Variants in FAM13B observed in about 807,000 individuals in gnomAD.
FAM13B encodes family with sequence similarity 13 member B.
A neutral mutation model predicts 117.3 loss-of-function variants in FAM13B; 60 were observed. The ratio of observed to expected loss-of-function variants is 0.51; its 90% CI spans 0.42 to 0.63. The LOEUF (loss-of-function observed/expected upper bound fraction) is 0.63. Among genes scored for constraint, FAM13B ranks in the 30% least tolerant of loss-of-function variants. FAM13B has a pLI of 0.00. For missense variants in FAM13B, 972 were observed against 1,091.9 expected (o/e 0.89, Z 1.55); for synonymous variants, 332 against 356.1 (o/e 0.93, Z 0.76).
chr5:138,052,113 C>A (rs141374197), upstream of FAM13B, among the ~76,000 whole-genome samples: 10 of 151,916 alleles, frequency 6.6e-5, no homozygotes, highest in East Asian at 1.9e-3. Context: ...GTATCGCAGT[C>A]AAGGCAGCAG....
intron 10 of FAM13B, among the ~76,000 whole-genome samples, chr5:137,966,488 T>TAGAGAGAGAGAGAGAGAGAGAGAGAG (rs57142324): frequency 3.4e-5 from 1 of 29,470 alleles, no homozygotes; most frequent in Non-Finnish European, 6.1e-5. Context: ...TATATATATA[T>TAGAGAGAGAGAGAGAGAGAGAGAGAG]AGAGAGAGAG....
intron 20 of FAM13B, 23 bp downstream of exon 20, chr5:137,945,879 G>T: frequency 6.4e-7 from 1 of 1,551,580 alleles, no homozygotes; most frequent in South Asian, 1.2e-5. Context: ...ATGAACCAGA[G>T]AATTATTGCT....
At chr5:138,047,654 G>A (rs1791682052) in intron 1 of FAM13B, among the ~76,000 whole-genome samples, 1 of 152,238 alleles carries the variant, frequency 6.6e-6, no homozygotes, top group Non-Finnish European at 1.5e-5. Flanking sequence ...TTATCTGGGT[G>A]GGCCCAATGT....
At position 137,938,341 on chromosome 5, in the gene FAM13B, A is replaced by G. The variant is rs1301545859; in HGVS notation, c.*1884T>C. On this transcript the variant is annotated 3_prime_UTR_variant, in exon 24 of 24. Transcript: ENST00000689681. ...AAGGAATATATTATTTAAAACATTT[A>G]AATAGTGCATATGGACATTTTTGCA... 1 of 152,670 alleles carries G rather than the reference A, an allele frequency of 6.6e-6. No individual in the cohort carries two copies. Among genetic ancestry groups the G allele is most frequent in the Non-Finnish European group, 1.5e-5 (1 of 68,040 alleles). 9.5% of individuals were successfully genotyped at this position (152,670 alleles called of 1,614,324 possible). A position where few individuals can be genotyped will look rare whatever the true frequency, so the allele number is the denominator to read the frequency against.
chr5:137,946,294 A>G lies in FAM13B; in HGVS notation c.2178T>C (p.His726=). The change falls in exon 19 of 24, where the codon CAT becomes CAC. Residue 726 remains histidine, a synonymous_variant. Coordinates refer to ENST00000689681, the MANE Select transcript of FAM13B (RefSeq NM_001385994.1). ...GAAGAGAAGCTTTCTCTTCTACCAA[A>G]TGATCTTTGGTCATTTTCTGGAATT... ...PEDIKKMTKD[H]LVEEKASLQK... The G allele has an allele frequency of 6.4e-7, 1 of 1,572,528 alleles. No individual in the cohort carries two copies. The highest frequency in any genetic ancestry group is 8.6e-7 in the Non-Finnish European group (1 of 1,165,152).
chr5:137,968,562 T>G (rs919253114), intron 10 of FAM13B, among the ~76,000 whole-genome samples: 28 of 152,106 alleles, frequency 1.8e-4, no homozygotes, highest in Non-Finnish European at 4.4e-5. Context: ...GCTGTTTATG[T>G]GATCAGCTTT....
chr5:137,988,251 T>C, intron 8 of FAM13B, 23 bp downstream of exon 8: 1 of 1,512,764 alleles, frequency 6.6e-7, no homozygotes, highest in Non-Finnish European at 8.8e-7. Flanking sequence ...TAAAAATTTG[T>C]CTTCTATAAA....
upstream of FAM13B, among the ~76,000 whole-genome samples, chr5:138,037,776 G>A (rs550956883): frequency 5.9e-5 from 9 of 152,184 alleles, no homozygotes; most frequent in South Asian, 2.1e-4. Context: ...TTCTTAATAC[G>A]ATGTTAATAA....
At chr5:138,002,621 A>G (rs1781538279) in intron 7 of FAM13B, among the ~76,000 whole-genome samples, 1 of 151,660 alleles carries the variant, frequency 6.6e-6, no homozygotes, top group Non-Finnish European at 1.5e-5. Flanking sequence ...AAAAACCCTA[A>G]TCATTCTTTC....
chr5:137,974,663 C>CAAA (rs34041801), intron 10 of FAM13B, among the ~76,000 whole-genome samples: 19 of 120,680 alleles, frequency 1.6e-4, no homozygotes, highest in Non-Finnish European at 2.5e-4. Flanking sequence ...AGCATTTCTC[C>CAAA]AAAAAAAAAA....
upstream of FAM13B, chr5:138,034,149 G>C (rs1443050867): frequency 2.0e-5 from 3 of 152,202 alleles, no homozygotes; most frequent in African/African-American, 7.2e-5. Context: ...TCTAAAACCA[G>C]AAGAATCTGA....
chr5:138,037,290 A>G (rs544159007), upstream of FAM13B: 17 of 153,080 alleles, frequency 1.1e-4, no homozygotes, highest in African/African-American at 4.1e-4. Flanking sequence ...TATTTGCAAG[A>G]TGACTTTTAA....
chr5:138,018,341 G>A lies in FAM13B; in HGVS notation c.331C>T (p.Pro111Ser). The A allele has an allele frequency of 1.2e-6, 2 of 1,614,056 alleles. No individual in the cohort carries two copies. The highest frequency in any genetic ancestry group is 1.7e-6 in the Non-Finnish European group (2 of 1,179,996). Residue 111 changes from proline to serine, a missense_variant, in exon 4 of 24, where the codon CCT becomes TCT. Coordinates refer to ENST00000689681, the MANE Select transcript of FAM13B (RefSeq NM_001385994.1). ...FLQELPEPVIPGSLHIHLMQL... is the reference protein window; with the variant it reads ...FLQELPEPVISGSLHIHLMQL... ...ATCAAGTGAATATGTAAACTGCCAG[G>A]GATAACAGGTTCAGGAAGTTCTTGA...
At chr5:138,039,125 A>C (rs1489789911) in intron 1 of FAM13B, 9 of 152,190 alleles carry the variant, frequency 5.9e-5, no homozygotes, top group Admixed American at 5.9e-4. Flanking sequence ...CAGCTATAAG[A>C]CTAATTTGTT....
At position 138,033,069 on chromosome 5, in the gene FAM13B, G is replaced by A. The variant is rs1052844365; in HGVS notation, c.-490C>T. 7 of 986,358 alleles carry A rather than the reference G, an allele frequency of 7.1e-6. No individual in the cohort carries two copies. The highest frequency in any genetic ancestry group is 6.2e-5 in the Admixed American group (1 of 16,258). The allele number at this position is 986,358 out of a possible 1,614,324, so 61.1% of individuals were successfully genotyped here. On this transcript the variant is annotated 5_prime_UTR_variant, in exon 1 of 24. Transcript: ENST00000689681. Reference sequence around the variant, plus strand: ...AGAGCCTCCCTAACGGCGAGCGGGAGGAGAGCGGCTGGCGGGCGGAGGCCG... The same window carrying A: ...AGAGCCTCCCTAACGGCGAGCGGGAAGAGAGCGGCTGGCGGGCGGAGGCCG...
intron 18 of FAM13B, among the ~76,000 whole-genome samples, chr5:137,946,996 TA>T (rs1231457905): frequency 6.6e-6 from 1 of 152,222 alleles, no homozygotes; most frequent in Admixed American, 6.5e-5. Flanking sequence ...CAGCTTTTAG[TA>T]GTCTAATTAG....
At chr5:138,047,604 A>T (rs1410378334) in intron 1 of FAM13B, among the ~76,000 whole-genome samples, 1 of 152,248 alleles carries the variant, frequency 6.6e-6, no homozygotes, top group Non-Finnish European at 1.5e-5. Context: ...GCAGAATTAA[A>T]GTTGCTCAAC....
At chr5:138,025,682 T>C (rs1286154268) in intron 1 of FAM13B, among the ~76,000 whole-genome samples, 1 of 152,104 alleles carries the variant, frequency 6.6e-6, no homozygotes, top group Non-Finnish European at 1.5e-5. Flanking sequence ...AAATTTAATA[T>C]TGTTGAAATA....
intron 7 of FAM13B, among the ~76,000 whole-genome samples, chr5:137,990,674 C>G (rs1369955250): frequency 6.6e-6 from 1 of 151,748 alleles, no homozygotes; most frequent in Non-Finnish European, 1.5e-5. Flanking sequence ...AAATAAGGAG[C>G]CAGGTGCCAG....
Sources: gnomAD v4.1 joint callset for allele counts (sites outside exome capture counted in the v4.1 genomes callset) on GRCh38, gnomAD v4.1.1 for gene constraint, MANE v1.5 for transcripts, NCBI Gene and HGNC (gene_info 2026-07-23, HGNC 2026-07-21) for gene names.